Variants in DLG2 observed in about 807,000 individuals in gnomAD.
DLG2 encodes the protein disks large homolog 2.
In DLG2, 45 loss-of-function variants were observed where a neutral mutation model predicts 132.5. That is an observed-to-expected ratio of 0.34 (90% CI 0.27 to 0.44). DLG2 has a LOEUF of 0.44. Ranked by LOEUF, DLG2 falls within the 20% of genes least tolerant of loss-of-function variation. The pLI is 1.00. For synonymous variants in DLG2, 424 were observed against 419.6 expected (o/e 1.01, Z -0.13); for missense variants, 1,045 against 1,196.9 (o/e 0.87, Z 1.87).
chr11:85,381,131 G>A (rs1483645231), intron 3 of DLG2, among the ~76,000 whole-genome samples: 1 of 152,204 alleles, frequency 6.6e-6, no homozygotes, highest in Non-Finnish European at 1.5e-5. Context: ...AGCGACTGTA[G>A]TCTAATGAAG....
intron 2 of DLG2, among the ~76,000 whole-genome samples, chr11:85,624,445 G>A (rs4943925): frequency 0.11 from 17,271 of 152,202 alleles, 1,236 homozygotes; most frequent in East Asian, 0.29. Context: ...GATAGTTATT[G>A]TTTAGAATCA....
At chr11:84,239,754 G>A (rs1000978492) in intron 8 of DLG2, among the ~76,000 whole-genome samples, 2 of 152,156 alleles carry the variant, frequency 1.3e-5, no homozygotes, top group Non-Finnish European at 1.5e-5. Context: ...TATAGATATA[G>A]TATACTGATA....
At chr11:83,520,621 AGGT>A (rs1565614808) in intron 21 of DLG2, among the ~76,000 whole-genome samples, 9 of 149,440 alleles carry the variant, frequency 6.0e-5, no homozygotes, top group African/African-American at 1.5e-4. Flanking sequence ...ACAGACAGGT[AGGT>A]AGATAGGTAG....
rs554693640 is a variant in DLG2, at chr11:85,162,798, T to A, written c.187-8147A>T. Among the ~76,000 whole-genome samples the A allele has an allele frequency of 8.5e-5, 13 of 152,318 alleles. No individual in the cohort carries two copies. The South Asian group carries it at 2.7e-3, about 32-fold the overall frequency. On this transcript the variant is annotated intron_variant, in intron 4 of 27. Transcript: ENST00000376104. ...ATGATCTCAGGAGATGTACGTGGGT[T>A]CAAGTTGACAAGGGGTGGACTTGTG...
At chr11:84,650,888 T>TATACATATATACTATATAG (rs1565561571) in intron 6 of DLG2, among the ~76,000 whole-genome samples, 9 of 109,470 alleles carry the variant, frequency 8.2e-5, no homozygotes, top group South Asian at 3.7e-4. Flanking sequence ...TATATATATA[T>TATACATATATACTATATAG]ATATATATAT....
At chr11:83,573,381 C>A (rs548833106) in intron 19 of DLG2, among the ~76,000 whole-genome samples, 1 of 152,222 alleles carries the variant, frequency 6.6e-6, no homozygotes, top group Admixed American at 6.5e-5. Context: ...GTACTGAGTT[C>A]ATTTGCAGAG....
intron 19 of DLG2, among the ~76,000 whole-genome samples, chr11:83,601,072 A>G (rs2058455846): frequency 6.6e-6 from 1 of 152,258 alleles, no homozygotes; most frequent in Non-Finnish European, 1.5e-5. Flanking sequence ...GCATGCAATG[A>G]TAGAGTAAGA....
intron 8 of DLG2, among the ~76,000 whole-genome samples, chr11:84,178,631 G>T (rs1013302832): frequency 6.6e-6 from 1 of 152,082 alleles, no homozygotes; most frequent in Non-Finnish European, 1.5e-5. Context: ...AAGGCTTACT[G>T]GCTCAAGGTG....
At chr11:84,183,737 C>A (rs192815269) in intron 8 of DLG2, among the ~76,000 whole-genome samples, 229 of 152,196 alleles carry the variant, frequency 1.5e-3, no homozygotes, top group Non-Finnish European at 2.4e-3. Flanking sequence ...CCCCTCACCC[C>A]ACAACAGGCC....
At chr11:84,143,088 T>A (rs2094923922) in intron 9 of DLG2, among the ~76,000 whole-genome samples, 1 of 152,162 alleles carries the variant, frequency 6.6e-6, no homozygotes, top group Non-Finnish European at 1.5e-5. Flanking sequence ...TGATACAGTG[T>A]CTTTGTAGAA....
rs184747600 is a variant in DLG2 at position 84,224,046 on chromosome 11, A to G, written c.573+27192T>C. On this transcript the variant is annotated intron_variant, in intron 8 of 27. Transcript: ENST00000376104. ...CAGAAAGACGTAGAGGGTGGAGGAC[A>G]GAGTGCTTCCCCACCCATGCAACTT... Among the ~76,000 whole-genome samples the G allele has an allele frequency of 3.0e-3, 460 of 152,316 alleles. 5 individuals are homozygous for G. Among genetic ancestry groups the G allele is most frequent in the Admixed American group, 0.029 (438 of 15,296 alleles).
At chr11:85,404,675 A>C (rs1461227911) in intron 3 of DLG2, among the ~76,000 whole-genome samples, 1 of 152,026 alleles carries the variant, frequency 6.6e-6, no homozygotes, top group Non-Finnish European at 1.5e-5. Context: ...AGATTATCAA[A>C]AAACAGTATC....
intron 3 of DLG2, among the ~76,000 whole-genome samples, chr11:85,470,201 T>A (rs2092936976): frequency 6.8e-6 from 1 of 147,172 alleles, no homozygotes. Context: ...AAAACCAAAT[T>A]AATCTACTTG....
chr11:84,131,135 T>A (rs887767825), intron 9 of DLG2, among the ~76,000 whole-genome samples: 2 of 151,894 alleles, frequency 1.3e-5, no homozygotes, highest in Non-Finnish European at 2.9e-5. Flanking sequence ...GTGGTAAAGC[T>A]GGTTTTAAAA....
chr11:84,880,501 T>C (rs1366861180), intron 6 of DLG2, among the ~76,000 whole-genome samples: 3 of 152,170 alleles, frequency 2.0e-5, no homozygotes, highest in African/African-American at 7.2e-5. Context: ...GGTATATTTT[T>C]CACACTTCCA....
intron 7 of DLG2, among the ~76,000 whole-genome samples, chr11:84,342,275 C>T (rs2098518526): frequency 6.6e-6 from 1 of 152,102 alleles, no homozygotes; most frequent in Non-Finnish European, 1.5e-5. Flanking sequence ...CTTGTTTCTC[C>T]AATTTACCAG....
intron 10 of DLG2, among the ~76,000 whole-genome samples, chr11:84,066,842 G>A (rs2096681619): frequency 6.6e-6 from 1 of 152,150 alleles, no homozygotes; most frequent in African/African-American, 2.4e-5. Context: ...GGTTATTGAA[G>A]AATGTCCCCT....
At chr11:84,623,426 T>C (rs898863838) in intron 6 of DLG2, among the ~76,000 whole-genome samples, 5 of 152,222 alleles carry the variant, frequency 3.3e-5, no homozygotes, top group African/African-American at 1.2e-4. Context: ...TCAGTGCTTA[T>C]GTAGCACTTT....
intron 11 of DLG2, among the ~76,000 whole-genome samples, chr11:84,019,110 C>T (rs1032114597): frequency 2.6e-5 from 4 of 151,660 alleles, no homozygotes; most frequent in Non-Finnish European, 5.9e-5. Context: ...TAAAATAATA[C>T]ATTAAACAAT....
Sources: allele counts gnomAD v4.1 joint callset (sites outside exome capture counted in the v4.1 genomes callset), GRCh38; gene constraint gnomAD v4.1.1; transcripts MANE v1.5; gene names NCBI Gene and HGNC (gene_info 2026-07-23, HGNC 2026-07-21).